Variants in CAPZB observed in about 807,000 individuals in gnomAD.
CAPZB encodes F-actin-capping protein subunit beta.
In CAPZB, 2 loss-of-function variants were observed where a neutral mutation model predicts 38.1. The observed-to-expected ratio is 0.05, with a 90% CI of 0.02 to 0.17. The LOEUF (loss-of-function observed/expected upper bound fraction) is 0.17, where lower values mean the gene tolerates loss of function less well. CAPZB is among the 10% of genes least tolerant of loss of function. The pLI, the probability that CAPZB is intolerant of heterozygous loss-of-function variation, is 1.00. For synonymous variants in CAPZB, 107 were observed against 127.4 expected (o/e 0.84, Z 1.08); for missense variants, 161 against 334.2 (o/e 0.48, Z 4.04).
intron 1 of CAPZB, among the ~76,000 whole-genome samples, chr1:19,440,929 G>A (rs1030045769): frequency 2.6e-5 from 4 of 152,060 alleles, no homozygotes; most frequent in South Asian, 2.1e-4. Flanking sequence ...GTGTGGTGGC[G>A]GGTGCCTGTG....
chr1:19,379,576 G>C (rs2100428559), intron 3 of CAPZB, among the ~76,000 whole-genome samples: 1 of 152,302 alleles, frequency 6.6e-6, no homozygotes, highest in South Asian at 2.1e-4. Context: ...TAGAAAACCT[G>C]AGCAATCAGG....
intron 2 of CAPZB, among the ~76,000 whole-genome samples, chr1:19,412,024 C>T (rs12026907): frequency 0.32 from 48,783 of 152,108 alleles, 7,922 homozygotes; most frequent in Middle Eastern, 0.4. Context: ...CCACAGCTGC[C>T]GCCCATTCAC....
chr1:19,405,115 T>A (rs2094324503), intron 2 of CAPZB, among the ~76,000 whole-genome samples: 1 of 152,190 alleles, frequency 6.6e-6, no homozygotes. Flanking sequence ...CCAAGAGGCA[T>A]CCGTCCCTTC....
At chr1:19,395,713 A>G (rs1324385512) in intron 2 of CAPZB, among the ~76,000 whole-genome samples, 1 of 152,158 alleles carries the variant, frequency 6.6e-6, no homozygotes, top group Admixed American at 6.5e-5. Context: ...CCAGGCACAC[A>G]ACCCATCACC....
intron 1 of CAPZB, among the ~76,000 whole-genome samples, chr1:19,471,898 A>G (rs2094589810): frequency 7.5e-6 from 1 of 133,148 alleles, no homozygotes; most frequent in East Asian, 2.1e-4. Context: ...AAAAAAAAAA[A>G]AAAAAAAAAA....
chr1:19,383,865 C>T (rs1472769141), intron 3 of CAPZB, among the ~76,000 whole-genome samples: 1 of 152,104 alleles, frequency 6.6e-6, no homozygotes, highest in Non-Finnish European at 1.5e-5. Context: ...TCACCCTTCA[C>T]ACCCCACCTC....
At chr1:19,464,776 G>C (rs2094563872) in intron 1 of CAPZB, among the ~76,000 whole-genome samples, 1 of 152,118 alleles carries the variant, frequency 6.6e-6, no homozygotes, top group African/African-American at 2.4e-5. Context: ...ACACGAAAGA[G>C]GTCAAACACA....
At chr1:19,461,905 T>G (rs889648359) in intron 1 of CAPZB, among the ~76,000 whole-genome samples, 6 of 152,370 alleles carry the variant, frequency 3.9e-5, no homozygotes, top group African/African-American at 1.4e-4. Context: ...AGTGAGATGA[T>G]GCATTGACTT....
chr1:19,360,691 G>A (rs576262692), intron 4 of CAPZB, among the ~76,000 whole-genome samples: 2 of 152,122 alleles, frequency 1.3e-5, no homozygotes, highest in African/African-American at 4.8e-5. Flanking sequence ...TAAAACAACC[G>A]CATTAAAGTT....
intron 1 of CAPZB, among the ~76,000 whole-genome samples, chr1:19,427,131 T>C (rs530185284): frequency 2.6e-5 from 4 of 152,274 alleles, no homozygotes; most frequent in Admixed American, 2.6e-4. Context: ...CCGGAGTGTG[T>C]ACGTTTTGTG....
intron 1 of CAPZB, among the ~76,000 whole-genome samples, chr1:19,436,902 C>T (rs12137162): frequency 7.2e-5 from 11 of 152,040 alleles, no homozygotes; most frequent in Non-Finnish European, 1.5e-4. Context: ...CAGTGCTGGA[C>T]TCTGTGTACC....
chr1:19,407,984 G>T (rs745802062), intron 2 of CAPZB, among the ~76,000 whole-genome samples: 1 of 152,166 alleles, frequency 6.6e-6, no homozygotes, highest in African/African-American at 2.4e-5. Flanking sequence ...TGGGTGGGGG[G>T]CCGTGGCATT....
chr1:19,443,608 A>ATTG (rs61437002), intron 1 of CAPZB, among the ~76,000 whole-genome samples: 26,842 of 151,712 alleles, frequency 0.18, 2,691 homozygotes, highest in South Asian at 0.3. Context: ...TGCTTAAGTT[A>ATTG]TTGTTGTTGT....
intron 6 of CAPZB, among the ~76,000 whole-genome samples, chr1:19,354,659 A>G (rs1392899647): frequency 6.6e-6 from 1 of 152,266 alleles, no homozygotes; most frequent in African/African-American, 2.4e-5. Context: ...GCTCACGGCA[A>G]GCCGGAACCA....
intron 2 of CAPZB, among the ~76,000 whole-genome samples, chr1:19,402,484 G>C (rs918023004): frequency 2.6e-5 from 4 of 152,244 alleles, no homozygotes; most frequent in Admixed American, 1.3e-4. Context: ...CAAAACCAGA[G>C]TGTGCGCCCA....
chr1:19,368,693 G>A (rs2094104336), intron 4 of CAPZB, among the ~76,000 whole-genome samples: 1 of 150,152 alleles, frequency 6.7e-6, no homozygotes, highest in Middle Eastern at 3.2e-3. Flanking sequence ...TTAGACATGG[G>A]GTCTCTCTCT....
At chr1:19,443,991 C>A (rs529873109) in intron 1 of CAPZB, among the ~76,000 whole-genome samples, 47 of 152,306 alleles carry the variant, frequency 3.1e-4, no homozygotes, top group Non-Finnish European at 5.7e-4. Flanking sequence ...AACCCTGTCT[C>A]TACTAAAAAT....
intron 6 of CAPZB, among the ~76,000 whole-genome samples, chr1:19,351,284 C>A (rs72955270): frequency 6.7e-6 from 1 of 149,544 alleles, no homozygotes; most frequent in Non-Finnish European, 1.5e-5. Context: ...CCCGATCTTT[C>A]CATTTTTTTT....
At chr1:19,341,794 C>A (rs2093930659) in intron 8 of CAPZB, among the ~76,000 whole-genome samples, 1 of 152,250 alleles carries the variant, frequency 6.6e-6, no homozygotes, top group Non-Finnish European at 1.5e-5. Context: ...ACACACAGAC[C>A]AGACTGGTGC....
Sources: gnomAD v4.1 joint callset for allele counts (sites outside exome capture counted in the v4.1 genomes callset) on GRCh38, gnomAD v4.1.1 for gene constraint, MANE v1.5 for transcripts, NCBI Gene and HGNC (gene_info 2026-07-23, HGNC 2026-07-21) for gene names.